The following RORA variants were observed in gnomAD, a reference collection of about 807,000 sequenced individuals.
RORA encodes nuclear receptor ROR-alpha.
RORA carries 7 observed loss-of-function variants against 69.5 expected under a neutral mutation model. The ratio of observed to expected loss-of-function variants is 0.10; its 90% confidence interval spans 0.06 to 0.19. The LOEUF (loss-of-function observed/expected upper bound fraction) is 0.19. RORA is among the 10% of genes least tolerant of loss of function. RORA has a pLI of 1.00. For missense variants in RORA, 457 were observed against 663.0 expected, an observed-to-expected ratio of 0.69 and a Z score of 3.41; for synonymous variants, 261 against 240.8, an observed-to-expected ratio of 1.08 and a Z score of -0.78.
At chr15:60,797,893 G>C (rs2072520604) in intron 1 of RORA, among the ~76,000 whole-genome samples, 1 of 152,186 alleles carries the variant, frequency 6.6e-6, no homozygotes, top group Admixed American at 6.5e-5. Context: ...AAAAGTTCCA[G>C]TCTTTTCCCA....
intron 2 of RORA, among the ~76,000 whole-genome samples, chr15:60,572,671 G>A (rs2067916643): frequency 6.6e-6 from 1 of 152,190 alleles, no homozygotes; most frequent in African/African-American, 2.4e-5. Flanking sequence ...AATCCAATGT[G>A]GTTGATGCTG....
chr15:61,018,608 G>A (rs72754740), intron 1 of RORA, among the ~76,000 whole-genome samples: 6,570 of 151,856 alleles, frequency 0.043, 207 homozygotes, highest in South Asian at 0.081. Context: ...ATGTATATAC[G>A]GAGCATGCAT....
chr15:60,538,509 C>T (rs945951871), intron 2 of RORA, among the ~76,000 whole-genome samples: 1 of 151,280 alleles, frequency 6.6e-6, no homozygotes, highest in African/African-American at 2.5e-5. Flanking sequence ...AGCTATGCCA[C>T]AAAGAGAATA....
At chr15:60,575,822 T>G (rs1182442032) in intron 2 of RORA, among the ~76,000 whole-genome samples, 1 of 152,262 alleles carries the variant, frequency 6.6e-6, no homozygotes, top group Non-Finnish European at 1.5e-5. Context: ...TGCCTAAACA[T>G]GAGCCATTTT....
chr15:60,529,892 A>G lies in RORA; in HGVS notation c.282+1874T>C, dbSNP rs2066478256. On this transcript the variant is annotated intron_variant, in intron 3 of 10. Transcript: ENST00000335670. ...CACTTCTGTCAATTCCTAGATAATC[A>G]CTTGCCTTACTGACAGATTCAGAGG... is the stretch of plus-strand genomic sequence containing the variant. 3 of 152,196 alleles carry G rather than the reference A, an allele frequency of 2.0e-5. No homozygotes were observed. In the South Asian group the frequency reaches 6.2e-4, roughly 32 times the overall value. 9.4% of individuals were successfully genotyped at this position (152,196 alleles called of 1,614,324 possible). A position where few individuals can be genotyped will look rare whatever the true frequency, so the allele number is the denominator to read the frequency against.
At chr15:60,939,651 C>T (rs967433437) in intron 1 of RORA, among the ~76,000 whole-genome samples, 6 of 152,214 alleles carry the variant, frequency 3.9e-5, no homozygotes, top group Non-Finnish European at 5.9e-5. Context: ...ACCTTTTGTT[C>T]CCCGCTCATT....
intron 1 of RORA, among the ~76,000 whole-genome samples, chr15:61,064,750 G>A (rs1209895855): frequency 6.6e-6 from 1 of 152,150 alleles, no homozygotes; most frequent in African/African-American, 2.4e-5. Context: ...CAGTCATTGG[G>A]AAGCATGAAA....
intron 1 of RORA, among the ~76,000 whole-genome samples, chr15:61,165,103 G>A (rs1477179608): frequency 2.0e-5 from 3 of 152,148 alleles, no homozygotes; most frequent in Non-Finnish European, 2.9e-5. Flanking sequence ...AATAAACTGC[G>A]TAATTGTGAA....
intron 1 of RORA, among the ~76,000 whole-genome samples, chr15:61,208,889 G>A (rs1232727520): frequency 6.6e-6 from 1 of 152,316 alleles, no homozygotes; most frequent in East Asian, 1.9e-4. Flanking sequence ...AGATGTGCCT[G>A]ATTCAATGAC....
intron 1 of RORA, among the ~76,000 whole-genome samples, chr15:61,223,022 A>G (rs1420497741): frequency 6.6e-6 from 1 of 152,196 alleles, no homozygotes; most frequent in East Asian, 1.9e-4. Flanking sequence ...ATATTCAAGA[A>G]TGACTTTACC....
At chr15:60,579,161 A>G (rs1030685343) in intron 2 of RORA, among the ~76,000 whole-genome samples, 2 of 151,360 alleles carry the variant, frequency 1.3e-5, no homozygotes, top group African/African-American at 4.9e-5. Flanking sequence ...CTTCCTGCTA[A>G]GGTGCCAGCA....
chr15:60,556,142 G>A (rs940842660), intron 2 of RORA, among the ~76,000 whole-genome samples: 5 of 152,128 alleles, frequency 3.3e-5, no homozygotes, highest in Non-Finnish European at 5.9e-5. Context: ...CTCTGTAAAT[G>A]CAAAAGCTTT....
chr15:61,160,739 A>T (rs189627653), intron 1 of RORA, among the ~76,000 whole-genome samples: 6 of 152,286 alleles, frequency 3.9e-5, no homozygotes, highest in Admixed American at 2.6e-4. Context: ...CACAGAAAAG[A>T]TGGAGAATTC....
chr15:61,138,707 C>G (rs2079267926), intron 1 of RORA, among the ~76,000 whole-genome samples: 1 of 152,022 alleles, frequency 6.6e-6, no homozygotes, highest in African/African-American at 2.4e-5. Context: ...AACGTCTGTG[C>G]CCCTCGGGAC....
intron 1 of RORA, among the ~76,000 whole-genome samples, chr15:60,878,343 CAAAAAAAAAA>C (rs35845582): frequency 1.5e-5 from 1 of 68,408 alleles, no homozygotes; most frequent in Non-Finnish European, 2.7e-5. Context: ...GACTCTGTCT[CAAAAAAAAAA>C]AAAAAAAAAA....
At chr15:60,520,055 TG>T (rs1348800677) in intron 3 of RORA, 1 of 152,120 alleles carries the variant, frequency 6.6e-6, no homozygotes, top group African/African-American at 2.4e-5. Flanking sequence ...TTTGAGGATT[TG>T]GGGAAAGCAG....
At chr15:60,870,915 A>C (rs2073548288) in intron 1 of RORA, among the ~76,000 whole-genome samples, 1 of 152,198 alleles carries the variant, frequency 6.6e-6, no homozygotes, top group Non-Finnish European at 1.5e-5. Flanking sequence ...TCTTGCCAAG[A>C]AGTATTTTTT....
chr15:61,167,746 C>T (rs1292054387), intron 1 of RORA, among the ~76,000 whole-genome samples: 3 of 152,212 alleles, frequency 2.0e-5, no homozygotes, highest in Admixed American at 2.0e-4. Context: ...ATCTCAACCA[C>T]CACCTCTGGG....
chr15:61,065,984 A>C (rs1432054939), intron 1 of RORA, among the ~76,000 whole-genome samples: 2 of 152,238 alleles, frequency 1.3e-5, no homozygotes, highest in Non-Finnish European at 2.9e-5. Flanking sequence ...GTGGAAAGCC[A>C]ACAACTGAAT....
Sources: allele counts gnomAD v4.1 joint callset (sites outside exome capture counted in the v4.1 genomes callset), GRCh38; gene constraint gnomAD v4.1.1; transcripts MANE v1.5; gene names NCBI Gene and HGNC (gene_info 2026-07-23, HGNC 2026-07-21).